The following TANC2 variants were observed in gnomAD, a reference collection of about 807,000 sequenced individuals.
TANC2 encodes protein TANC2.
A neutral mutation model predicts 210.5 loss-of-function variants in TANC2; 26 were observed. That is an observed-to-expected ratio of 0.12 (90% CI 0.09 to 0.17). The LOEUF (loss-of-function observed/expected upper bound fraction) is 0.17, where lower values mean the gene tolerates loss of function less well. TANC2 is among the 10% of genes least tolerant of loss of function. The pLI is 1.00. For synonymous variants in TANC2, 931 were observed against 967.1 expected (o/e 0.96, Z 0.69); for missense variants, 2,129 against 2,608.9 (o/e 0.82, Z 4.01).
At chr17:63,221,434 C>T (rs888588910) in intron 7 of TANC2, among the ~76,000 whole-genome samples, 2 of 107,914 alleles carry the variant, frequency 1.9e-5, no homozygotes, top group African/African-American at 8.8e-5. Flanking sequence ...CAGAGTGAGA[C>T]TCCATCTCAA....
chr17:63,052,849 A>G (rs1317272435), intron 2 of TANC2, among the ~76,000 whole-genome samples: 1 of 152,234 alleles, frequency 6.6e-6, no homozygotes, highest in Non-Finnish European at 1.5e-5. Flanking sequence ...GTGTACTAAT[A>G]AAACTTTATT....
intron 8 of TANC2, among the ~76,000 whole-genome samples, chr17:63,255,744 C>CA (rs966051667): frequency 3.8e-4 from 57 of 151,006 alleles, no homozygotes; most frequent in African/African-American, 1.2e-3. Flanking sequence ...TTATCTTCTC[C>CA]AAAAAAAACT....
At chr17:63,268,250 T>G (rs1444367023) in intron 9 of TANC2, among the ~76,000 whole-genome samples, 2 of 150,244 alleles carry the variant, frequency 1.3e-5, no homozygotes, top group African/African-American at 4.8e-5. Flanking sequence ...CTGATCATAA[T>G]GTACAGGTTG....
chr17:63,398,297 A>G (rs1367829488), intron 18 of TANC2, among the ~76,000 whole-genome samples: 1 of 151,934 alleles, frequency 6.6e-6, no homozygotes, highest in African/African-American at 2.4e-5. Context: ...GAAAAAAAAA[A>G]CTTTTTTAAT....
exon 28 of TANC2, chr17:63,425,670 G>A (rs990383588): frequency 6.6e-6 from 1 of 152,226 alleles, no homozygotes; most frequent in Admixed American, 6.5e-5. Context: ...ACAGGCAAGC[G>A]GGCTCAGAGG....
chr17:63,328,083 C>G (rs182115859), intron 11 of TANC2, among the ~76,000 whole-genome samples: 1 of 152,252 alleles, frequency 6.6e-6, no homozygotes, highest in East Asian at 1.9e-4. Context: ...CAAATTGATA[C>G]AGGAACAGAA....
At chr17:63,310,642 T>G (rs1344353552) in intron 9 of TANC2, among the ~76,000 whole-genome samples, 1 of 152,120 alleles carries the variant, frequency 6.6e-6, no homozygotes, top group Non-Finnish European at 1.5e-5. Context: ...GAACAGGCAA[T>G]TCACAAAAGA....
At chr17:63,121,082 CT>C (rs1039585326) in intron 4 of TANC2, among the ~76,000 whole-genome samples, 3 of 151,996 alleles carry the variant, frequency 2.0e-5, no homozygotes, top group African/African-American at 7.3e-5. Flanking sequence ...TACCTCATTT[CT>C]GTTAGAGTCT....
chr17:63,377,199 A>G (rs1027168821), intron 14 of TANC2, among the ~76,000 whole-genome samples: 24 of 152,184 alleles, frequency 1.6e-4, no homozygotes, highest in Admixed American at 6.5e-5. Context: ...AAAACCTTCA[A>G]CGTGCCCTGG....
At chr17:63,162,401 AG>A (rs1169198418) in intron 5 of TANC2, among the ~76,000 whole-genome samples, 1 of 152,222 alleles carries the variant, frequency 6.6e-6, no homozygotes, top group East Asian at 1.9e-4. Context: ...CTGTGATGAA[AG>A]GGAACAGAGC....
chr17:63,013,642 A>G (rs1281539755), intron 2 of TANC2, among the ~76,000 whole-genome samples: 3 of 151,938 alleles, frequency 2.0e-5, no homozygotes, highest in Non-Finnish European at 4.4e-5. Context: ...CATGCCTGTA[A>G]TCTCAGCTAC....
intron 4 of TANC2, among the ~76,000 whole-genome samples, chr17:63,100,161 G>A (rs910565326): frequency 1.3e-5 from 2 of 152,044 alleles, no homozygotes; most frequent in Admixed American, 6.6e-5. Context: ...AGGATATGTC[G>A]ACTGTTTCCT....
Position 63,052,826 on chromosome 17 carries a change from T to A in TANC2, c.68-21117T>A, listed in dbSNP as rs571717062. Among the ~76,000 whole-genome samples the A allele has an allele frequency of 3.3e-5, 5 of 152,350 alleles. 1 individual carries two copies. In the South Asian group the frequency reaches 1.0e-3, roughly 32 times the overall value. ...ACACAAATACAGTAAATAATTTATT[T>A]GCTGTTATGACTGTGTACTAATAAA... On this transcript the variant is annotated intron_variant, in intron 2 of 27. Transcript: ENST00000689528.
Position 63,368,134 on chromosome 17 carries a change from A to G in TANC2, c.2583-11584A>G, listed in dbSNP as rs555121654. Among the ~76,000 whole-genome samples, 11 of 152,318 alleles carry G rather than the reference A, an allele frequency of 7.2e-5. No homozygotes were observed. The South Asian group carries it at 2.3e-3, about 32-fold the overall frequency. ...AGCACTTGGTCTTTTTTTATATGGT[A>G]TGTGAAAGGTCAGGACAGAGGGATC... On this transcript the variant is annotated intron_variant, in intron 14 of 27. Coordinates refer to ENST00000689528, the Ensembl canonical transcript of TANC2.
At position 63,194,202 on chromosome 17, in the gene TANC2, A is replaced by T. The variant is rs527443732; in HGVS notation, c.582+63A>T. On this transcript the variant is annotated intron_variant, in intron 6 of 27. Coordinates refer to ENST00000689528, the Ensembl canonical transcript of TANC2. ...GAATCAGCTTATTATGCCAGAAATA[A>T]TCCCAATTGTTGAATGCCTTTTGAG... 45 of 1,521,730 alleles carry T rather than the reference A, an allele frequency of 3.0e-5. 1 individual carries two copies. In the East Asian group the frequency reaches 9.1e-4, roughly 31 times the overall value. The allele number at this position is 1,521,730 out of a possible 1,614,324, so 94.3% of individuals were successfully genotyped here.
chr17:63,298,652 A>G (rs1193394061), intron 9 of TANC2, among the ~76,000 whole-genome samples: 1 of 152,194 alleles, frequency 6.6e-6, no homozygotes, highest in East Asian at 1.9e-4. Flanking sequence ...ATTGAATTGT[A>G]CACTTTAAAG....
At chr17:63,118,776 ATTTT>A (rs1162117818) in intron 4 of TANC2, among the ~76,000 whole-genome samples, 1 of 125,672 alleles carries the variant, frequency 8.0e-6, no homozygotes, top group African/African-American at 3.1e-5. Context: ...TATCCAACTA[ATTTT>A]TTTTTTTTTT....
exon 26 of TANC2, chr17:63,415,661 G>A (rs1180475181): frequency 1.7e-5 from 28 of 1,603,400 alleles, no homozygotes; most frequent in Middle Eastern, 1.7e-4. Context: ...TCTCGGTGTC[G>A]CAGGAAAATG....
At chr17:62,998,692 T>A (rs2033231845) in intron 1 of TANC2, among the ~76,000 whole-genome samples, 1 of 152,208 alleles carries the variant, frequency 6.6e-6, no homozygotes, top group Admixed American at 6.5e-5. Context: ...CCTTTGCAGA[T>A]AAGCAATTGC....
Sources: gnomAD v4.1 joint callset for allele counts (sites outside exome capture counted in the v4.1 genomes callset) on GRCh38, gnomAD v4.1.1 for gene constraint, MANE v1.5 for transcripts, NCBI Gene and HGNC (gene_info 2026-07-23, HGNC 2026-07-21) for gene names.